Variants in CNTN5 observed in about 807,000 individuals in gnomAD.
The protein encoded by CNTN5 is contactin 5.
In CNTN5, 77 loss-of-function variants were observed where a neutral mutation model predicts 129.1. The ratio of observed to expected loss-of-function variants is 0.60; its 90% CI spans 0.50 to 0.72. The LOEUF (loss-of-function observed/expected upper bound fraction) is 0.72. Among genes scored for constraint, CNTN5 ranks in the 30% least tolerant of loss-of-function variants. The pLI is 0.00. For synonymous variants in CNTN5, 509 were observed against 465.6 expected, an observed-to-expected ratio of 1.09 and a Z score of -1.20; for missense variants, 1,478 against 1,328.8, an observed-to-expected ratio of 1.11 and a Z score of -1.75.
At chr11:99,318,628 T>C in intron 1 of CNTN5, among the ~76,000 whole-genome samples, 1 of 152,132 alleles carries the variant, frequency 6.6e-6, no homozygotes, top group East Asian at 1.9e-4. Flanking sequence ...GTCTGCATAT[T>C]TTTTTCATTT....
chr11:99,531,266 A>G (rs1947694798), intron 2 of CNTN5, among the ~76,000 whole-genome samples: 1 of 152,152 alleles, frequency 6.6e-6, no homozygotes, highest in South Asian at 2.1e-4. Flanking sequence ...AGATTTGCGG[A>G]ACTTTGAACT....
intron 1 of CNTN5, among the ~76,000 whole-genome samples, chr11:99,083,551 A>G (rs1222114475): frequency 6.6e-6 from 1 of 152,160 alleles, no homozygotes; most frequent in Non-Finnish European, 1.5e-5. Context: ...TTTCTTCATG[A>G]CAACCTTCTC....
chr11:99,170,819 C>T (rs918633843), intron 1 of CNTN5, among the ~76,000 whole-genome samples: 4 of 152,182 alleles, frequency 2.6e-5, no homozygotes, highest in Admixed American at 1.3e-4. Flanking sequence ...AGTTCAATTC[C>T]TTATAATCCT....
In CNTN5 at chr11:99,825,733, C is replaced by T. The variant is rs182251853; in HGVS notation, c.277+5968C>T. Among the ~76,000 whole-genome samples the T allele has an allele frequency of 9.2e-5, 14 of 152,080 alleles. No homozygotes were observed. The East Asian group carries it at 1.9e-3, about 21-fold the overall frequency. On this transcript the variant is annotated intron_variant, in intron 4 of 24. Coordinates refer to ENST00000524871, the MANE Select transcript of CNTN5 (RefSeq NM_014361.4). ...AAGTATCTGCTGGCCTCTTTTGTAG[C>T]GGGCAAGTTTATCAATCTAGTTGTT...
intron 2 of CNTN5, among the ~76,000 whole-genome samples, chr11:99,502,635 T>C (rs1307616806): frequency 6.6e-6 from 1 of 152,196 alleles, no homozygotes; most frequent in Non-Finnish European, 1.5e-5. Context: ...TAAACCTCTT[T>C]TCTTTATAAA....
intron 3 of CNTN5, among the ~76,000 whole-genome samples, chr11:99,818,035 A>G (rs1447191707): frequency 6.6e-6 from 1 of 152,190 alleles, no homozygotes; most frequent in Non-Finnish European, 1.5e-5. Flanking sequence ...AGCTTCACAG[A>G]ACAGAAAATA....
chr11:99,735,771 C>A (rs1252874665), intron 3 of CNTN5, among the ~76,000 whole-genome samples: 2 of 152,102 alleles, frequency 1.3e-5, no homozygotes, highest in Non-Finnish European at 2.9e-5. Flanking sequence ...TCACCTCATA[C>A]GGTTACCATC....
intron 3 of CNTN5, among the ~76,000 whole-genome samples, chr11:99,798,127 T>C (rs1351303285): frequency 1.3e-5 from 2 of 152,080 alleles, no homozygotes; most frequent in East Asian, 1.9e-4. Context: ...CCCCGTCTGA[T>C]AGGCCCTAGT....
intron 13 of CNTN5, among the ~76,000 whole-genome samples, chr11:100,078,062 T>G (rs901756902): frequency 2.0e-5 from 3 of 152,146 alleles, no homozygotes; most frequent in Non-Finnish European, 4.4e-5. Context: ...ATAAAATGAT[T>G]GAAAATGATA....
intron 3 of CNTN5, among the ~76,000 whole-genome samples, chr11:99,736,220 C>T (rs901686702): frequency 6.6e-6 from 1 of 152,178 alleles, no homozygotes; most frequent in East Asian, 1.9e-4. Context: ...GAGGTTGCAC[C>T]TATGAACAGT....
At chr11:99,774,086 TG>T (rs1945036781) in intron 3 of CNTN5, among the ~76,000 whole-genome samples, 1 of 152,086 alleles carries the variant, frequency 6.6e-6, no homozygotes, top group African/African-American at 2.4e-5. Flanking sequence ...TTTTTAAGTT[TG>T]TTGCTTCTTC....
intron 1 of CNTN5, among the ~76,000 whole-genome samples, chr11:99,108,264 G>T (rs1427009100): frequency 6.6e-6 from 1 of 152,034 alleles, no homozygotes; most frequent in Non-Finnish European, 1.5e-5. Flanking sequence ...GACAAATTTT[G>T]AAATTATAAG....
At chr11:99,630,569 A>T (rs890781060) in intron 3 of CNTN5, among the ~76,000 whole-genome samples, 2 of 126,998 alleles carry the variant, frequency 1.6e-5, no homozygotes, top group Non-Finnish European at 3.5e-5. Flanking sequence ...CACATGTGAT[A>T]AAGAACACAA....
intron 13 of CNTN5, among the ~76,000 whole-genome samples, chr11:100,184,907 C>A (rs1441963383): frequency 1.3e-5 from 2 of 151,950 alleles, no homozygotes; most frequent in African/African-American, 4.8e-5. Context: ...AGTGGGAGGT[C>A]ATTGTATCAT....
At chr11:99,047,184 T>C (rs1372522349) in intron 1 of CNTN5, among the ~76,000 whole-genome samples, 3 of 151,896 alleles carry the variant, frequency 2.0e-5, no homozygotes, top group African/African-American at 7.2e-5. Flanking sequence ...TCAAAATGTT[T>C]TTCAGTATAT....
chr11:99,532,533 C>A (rs1337375407), intron 2 of CNTN5, among the ~76,000 whole-genome samples: 1 of 152,068 alleles, frequency 6.6e-6, no homozygotes, highest in Non-Finnish European at 1.5e-5. Context: ...GGCCATGTCT[C>A]CACTCAAATC....
chr11:100,330,572 G>A (rs535557925), intron 21 of CNTN5, among the ~76,000 whole-genome samples: 85 of 152,258 alleles, frequency 5.6e-4, no homozygotes, highest in Non-Finnish European at 1.1e-3. Context: ...AGAGCTGTGA[G>A]GCAAAAGCAT....
chr11:99,684,181 T>C (rs1250005736), intron 3 of CNTN5, among the ~76,000 whole-genome samples: 1 of 151,790 alleles, frequency 6.6e-6, no homozygotes, highest in Non-Finnish European at 1.5e-5. Context: ...TGAGATCATG[T>C]GGTATTTCAC....
chr11:100,291,793 T>A lies in CNTN5; in HGVS notation c.2315-5832T>A, dbSNP rs866379086. Among the ~76,000 whole-genome samples, 102 of 141,248 alleles carry A rather than the reference T, an allele frequency of 7.2e-4. 1 individual carries two copies. Among genetic ancestry groups the A allele is most frequent in the African/African-American group, 2.5e-3 (93 of 37,902 alleles). 92.7% of individuals were successfully genotyped at this position (141,248 alleles called of 152,430 possible). On this transcript the variant is annotated intron_variant, in intron 18 of 24. Coordinates refer to ENST00000524871, the MANE Select transcript of CNTN5 (RefSeq NM_014361.4). ...AATAAATAAATAAATAAATAAAAAATATAAATAAATAAAAAATTAAAAAAA... is the reference window on the plus strand; with the variant it reads ...AATAAATAAATAAATAAATAAAAAAAATAAATAAATAAAAAATTAAAAAAA...
Sources: gnomAD v4.1 joint callset for allele counts (sites outside exome capture counted in the v4.1 genomes callset) on GRCh38, gnomAD v4.1.1 for gene constraint, MANE v1.5 for transcripts, NCBI Gene and HGNC (gene_info 2026-07-23, HGNC 2026-07-21) for gene names.